The following LRRC37A2 variants were observed in gnomAD, a reference collection of about 807,000 sequenced individuals.
LRRC37A2 encodes the protein leucine-rich repeat-containing protein 37A2.
Under a neutral mutation model 68.8 loss-of-function variants are expected in LRRC37A2, and 9 were observed. That is an observed-to-expected ratio of 0.13 (90% CI 0.08 to 0.23). LRRC37A2 has a LOEUF of 0.23. Ranked by LOEUF, LRRC37A2 falls within the 10% of genes least tolerant of loss-of-function variation. LRRC37A2 has a pLI of 1.00. For synonymous variants in LRRC37A2, 63 were observed against 367.6 expected, an observed-to-expected ratio of 0.17 and a Z score of 9.48; for missense variants, 168 against 950.4, an observed-to-expected ratio of 0.18 and a Z score of 10.82.
the LRRC37A2 span, among the ~76,000 whole-genome samples, chr17:46,874,005 A>G: frequency 7.4e-4 from 112 of 151,688 alleles, no homozygotes; most frequent in Admixed American, 2.1e-3. Context: ...AAAAAAAAAA[A>G]AATGCAGTGA....
At chr17:46,793,077 C>A in the LRRC37A2 span, among the ~76,000 whole-genome samples, 11 of 146,720 alleles carry the variant, frequency 7.5e-5, no homozygotes, top group African/African-American at 2.5e-4. Context: ...CTAGCCTAGC[C>A]GAGAAAGCAA....
the LRRC37A2 span, among the ~76,000 whole-genome samples, chr17:47,032,990 G>T: frequency 6.6e-6 from 1 of 152,072 alleles, no homozygotes; most frequent in African/African-American, 2.4e-5. Context: ...GCCAAGGTGG[G>T]TGCATCACTT....
the LRRC37A2 span, among the ~76,000 whole-genome samples, chr17:46,844,261 C>A: frequency 6.7e-6 from 1 of 148,956 alleles, no homozygotes; most frequent in South Asian, 2.1e-4. Flanking sequence ...CCAGCCTATA[C>A]TTTATATAAA....
chr17:47,005,011 A>C, the LRRC37A2 span, among the ~76,000 whole-genome samples: 1 of 152,204 alleles, frequency 6.6e-6, no homozygotes, highest in Non-Finnish European at 1.5e-5. Flanking sequence ...ATTTAGTCCA[A>C]TATTAGTGTT....
the LRRC37A2 span, among the ~76,000 whole-genome samples, chr17:46,809,082 A>C: frequency 6.6e-6 from 1 of 152,034 alleles, no homozygotes; most frequent in Non-Finnish European, 1.5e-5. Flanking sequence ...ACAAGCAAAG[A>C]GGTGAGTATT....
chr17:46,906,224 G>A, the LRRC37A2 span, among the ~76,000 whole-genome samples: 5 of 152,100 alleles, frequency 3.3e-5, no homozygotes, highest in Non-Finnish European at 7.4e-5. Context: ...AGGACCAGAG[G>A]CTGAGTCAAG....
chr17:46,843,141 G>T, the LRRC37A2 span, among the ~76,000 whole-genome samples: 1 of 152,226 alleles, frequency 6.6e-6, no homozygotes, highest in Non-Finnish European at 1.5e-5. Context: ...CAGAGAGGGA[G>T]AAACTAGGGT....
the LRRC37A2 span, among the ~76,000 whole-genome samples, chr17:46,989,540 A>G: frequency 3.9e-5 from 6 of 152,176 alleles, no homozygotes; most frequent in Non-Finnish European, 7.3e-5. Flanking sequence ...CCTGACCTTG[A>G]TGATTAGCTC....
At chr17:46,794,940 G>A in the LRRC37A2 span, among the ~76,000 whole-genome samples, 8 of 151,688 alleles carry the variant, frequency 5.3e-5, no homozygotes, top group South Asian at 8.3e-4. Context: ...TAGTAGAGAC[G>A]GGGTTTCACC....
At chr17:46,874,186 CAG>C in the LRRC37A2 span, among the ~76,000 whole-genome samples, 1 of 152,014 alleles carries the variant, frequency 6.6e-6, no homozygotes, top group Non-Finnish European at 1.5e-5. Flanking sequence ...CCACACCCAG[CAG>C]AGAGGAGTGT....
chr17:46,422,820 TTTGC>T, the LRRC37A2 span, among the ~76,000 whole-genome samples: 4 of 113,576 alleles, frequency 3.5e-5, 1 homozygote, highest in African/African-American at 1.2e-4. Context: ...GTACATATAA[TTTGC>T]TTGAATGCAG....
chr17:46,826,589 A>G, the LRRC37A2 span, among the ~76,000 whole-genome samples: 1 of 152,212 alleles, frequency 6.6e-6, no homozygotes, highest in Non-Finnish European at 1.5e-5. Flanking sequence ...GCCTCTTACT[A>G]TGTGACACTG....
chr17:46,831,122 G>A, the LRRC37A2 span, among the ~76,000 whole-genome samples: 1 of 152,346 alleles, frequency 6.6e-6, no homozygotes, highest in Non-Finnish European at 1.5e-5. Flanking sequence ...GGGGTAGCAT[G>A]GAAATGCCTG....
At chr17:46,992,292 C>T in the LRRC37A2 span, among the ~76,000 whole-genome samples, 4 of 152,006 alleles carry the variant, frequency 2.6e-5, no homozygotes, top group Non-Finnish European at 5.9e-5. Context: ...CACTTGAACC[C>T]GGGAAGTGGA....
the LRRC37A2 span, among the ~76,000 whole-genome samples, chr17:46,710,328 T>G: frequency 6.6e-6 from 1 of 152,304 alleles, no homozygotes; most frequent in Admixed American, 6.5e-5. Context: ...TGAAGAAGGG[T>G]GCAATTTAAG....
At chr17:46,925,851 G>A in the LRRC37A2 span, among the ~76,000 whole-genome samples, 1 of 152,188 alleles carries the variant, frequency 6.6e-6, no homozygotes, top group Non-Finnish European at 1.5e-5. Context: ...ATGAATGAAT[G>A]AAAATAATGA....
chr17:47,004,173 A>G, the LRRC37A2 span, among the ~76,000 whole-genome samples: 1 of 152,338 alleles, frequency 6.6e-6, no homozygotes, highest in South Asian at 2.1e-4. Context: ...TAGTGCCACA[A>G]TAAACATACA....
At chr17:46,995,548 C>T in the LRRC37A2 span, among the ~76,000 whole-genome samples, 1 of 152,196 alleles carries the variant, frequency 6.6e-6, no homozygotes, top group East Asian at 1.9e-4. Flanking sequence ...TCTTCTCCTT[C>T]CCATACTCCT....
chr17:46,806,746 G>A, the LRRC37A2 span, among the ~76,000 whole-genome samples: 1 of 152,262 alleles, frequency 6.6e-6, no homozygotes, highest in Non-Finnish European at 1.5e-5. Flanking sequence ...TTGCCCAAGG[G>A]CAGAAGCGGA....
Sources: allele counts gnomAD v4.1 joint callset (sites outside exome capture counted in the v4.1 genomes callset), GRCh38; gene constraint gnomAD v4.1.1; transcripts MANE v1.5; gene names NCBI Gene and HGNC (gene_info 2026-07-23, HGNC 2026-07-21).